Variants in CSMD1 observed in about 807,000 individuals in gnomAD.
The protein encoded by CSMD1 is CUB and sushi domain-containing protein 1.
Under a neutral mutation model 417.5 loss-of-function variants are expected in CSMD1, and 213 were observed. That is an observed-to-expected ratio of 0.51 (90% CI 0.46 to 0.57). CSMD1 has a LOEUF of 0.57. Among genes scored for constraint, CSMD1 ranks in the 20% least tolerant of loss-of-function variants. The pLI is 0.00. For missense variants in CSMD1, 6,923 were observed against 4,529.7 expected (o/e 1.53, Z -15.17); for synonymous variants, 2,862 against 1,736.8 (o/e 1.65, Z -16.11).
Position 3,202,244 on chromosome 8 carries a change from G to A in CSMD1, c.4985-519C>T, listed in dbSNP as rs377305539. 3.3e-4 allele frequency among the ~76,000 whole-genome samples: 51 copies of A among 152,276 alleles called. 1 individual carries two copies. The South Asian group carries it at 9.9e-3, about 30-fold the overall frequency. ...CAACACTTTATTCAATGAAAAATAA[G>A]CAAAGGATCAAACCCCATGATGATT... On this transcript the variant is annotated intron_variant, in intron 31 of 69. Transcript: ENST00000635120.
At chr8:3,277,596 G>C (rs1466758976) in intron 26 of CSMD1, among the ~76,000 whole-genome samples, 2 of 152,310 alleles carry the variant, frequency 1.3e-5, no homozygotes, top group East Asian at 1.9e-4. Context: ...GCAGGATGGA[G>C]TTGACTTTAC....
At chr8:3,437,751 T>G (rs902885338) in intron 12 of CSMD1, among the ~76,000 whole-genome samples, 2 of 61,290 alleles carry the variant, frequency 3.3e-5, no homozygotes, top group African/African-American at 1.8e-4. Flanking sequence ...ATTGATATCT[T>G]TTCTTTTTTT....
At chr8:3,018,898 A>G (rs1164667675) in intron 51 of CSMD1, among the ~76,000 whole-genome samples, 1 of 152,086 alleles carries the variant, frequency 6.6e-6, no homozygotes, top group African/African-American at 2.4e-5. Flanking sequence ...AACATTCTAG[A>G]TTCCTCCAAT....
chr8:4,659,820 A>T (rs1237139640), intron 1 of CSMD1, among the ~76,000 whole-genome samples: 2 of 152,180 alleles, frequency 1.3e-5, no homozygotes, highest in South Asian at 4.1e-4. Flanking sequence ...TTTTTAAATT[A>T]ATCTATGTAA....
At chr8:4,242,873 T>A (rs927133682) in intron 3 of CSMD1, among the ~76,000 whole-genome samples, 1 of 152,162 alleles carries the variant, frequency 6.6e-6, no homozygotes, top group African/African-American at 2.4e-5. Context: ...AGCATCAGGA[T>A]GAAATATTAA....
At chr8:4,868,959 C>G (rs1008559036) in intron 1 of CSMD1, among the ~76,000 whole-genome samples, 2 of 151,796 alleles carry the variant, frequency 1.3e-5, no homozygotes, top group Non-Finnish European at 2.9e-5. Context: ...TACCTATATA[C>G]ACACAGAGAC....
chr8:3,727,769 T>C (rs73658223), intron 6 of CSMD1, among the ~76,000 whole-genome samples: 7,163 of 152,064 alleles, frequency 0.047, 553 homozygotes, highest in African/African-American at 0.16. Flanking sequence ...ATATAATCGG[T>C]TATAATTTAG....
intron 5 of CSMD1, among the ~76,000 whole-genome samples, chr8:3,982,168 A>G (rs941709593): frequency 1.2e-4 from 15 of 127,796 alleles, no homozygotes; most frequent in African/African-American, 4.1e-4. Flanking sequence ...AAAAATAATA[A>G]TAATAATAAT....
At chr8:3,923,642 C>G (rs1809438020) in intron 5 of CSMD1, among the ~76,000 whole-genome samples, 1 of 152,146 alleles carries the variant, frequency 6.6e-6, no homozygotes, top group African/African-American at 2.4e-5. Flanking sequence ...ACTCTACTCT[C>G]TTAGAAATTT....
At chr8:3,539,400 C>G (rs1235371758) in intron 10 of CSMD1, among the ~76,000 whole-genome samples, 3 of 152,110 alleles carry the variant, frequency 2.0e-5, no homozygotes, top group African/African-American at 7.2e-5. Flanking sequence ...TATTTGTTTC[C>G]AGGCTAATGC....
chr8:3,722,307 CAAAT>C (rs1368771856), intron 6 of CSMD1, among the ~76,000 whole-genome samples: 1 of 151,968 alleles, frequency 6.6e-6, no homozygotes, highest in Non-Finnish European at 1.5e-5. Flanking sequence ...GACTCCATCT[CAAAT>C]AAATAAATAA....
chr8:4,574,995 G>A (rs779115996), intron 2 of CSMD1, among the ~76,000 whole-genome samples: 7 of 152,054 alleles, frequency 4.6e-5, no homozygotes, highest in Non-Finnish European at 8.8e-5. Context: ...TTTTAATATT[G>A]TGCTTCCTCA....
chr8:4,718,837 AT>A (rs1280198034), intron 1 of CSMD1, among the ~76,000 whole-genome samples: 1 of 152,090 alleles, frequency 6.6e-6, no homozygotes, highest in African/African-American at 2.4e-5. Context: ...ATTTTTAAAG[AT>A]ATAATACTCC....
chr8:3,715,644 G>C (rs377051081), intron 6 of CSMD1, among the ~76,000 whole-genome samples: 1 of 152,188 alleles, frequency 6.6e-6, no homozygotes. Flanking sequence ...CCGGGTTCAA[G>C]TGATTCTCCT....
intron 23 of CSMD1, among the ~76,000 whole-genome samples, chr8:3,314,105 C>T (rs1287555475): frequency 7.9e-5 from 12 of 151,142 alleles, no homozygotes; most frequent in Middle Eastern, 3.4e-3. Context: ...GAACATCACA[C>T]ACCGGAGCCT....
At chr8:4,481,662 C>A (rs1213119912) in intron 2 of CSMD1, among the ~76,000 whole-genome samples, 1 of 152,098 alleles carries the variant, frequency 6.6e-6, no homozygotes, top group Non-Finnish European at 1.5e-5. Flanking sequence ...ATACCTGAGT[C>A]CACAGACCTT....
intron 12 of CSMD1, among the ~76,000 whole-genome samples, chr8:3,450,507 T>A (rs535198113): frequency 6.7e-6 from 1 of 149,854 alleles, no homozygotes; most frequent in Non-Finnish European, 1.5e-5. Context: ...TTCCCCTTCC[T>A]GTGTCCATGT....
At chr8:4,298,117 G>A (rs2128871519) in intron 3 of CSMD1, among the ~76,000 whole-genome samples, 2 of 152,186 alleles carry the variant, frequency 1.3e-5, no homozygotes. Flanking sequence ...GAACATCCCA[G>A]GGCACTGGGG....
intron 1 of CSMD1, among the ~76,000 whole-genome samples, chr8:4,746,426 T>A (rs1454635309): frequency 6.6e-6 from 1 of 152,200 alleles, no homozygotes; most frequent in Non-Finnish European, 1.5e-5. Context: ...ATTTTCTTCT[T>A]GCGAATGGAA....
Sources: allele counts gnomAD v4.1 joint callset (sites outside exome capture counted in the v4.1 genomes callset), GRCh38; gene constraint gnomAD v4.1.1; transcripts MANE v1.5; gene names NCBI Gene and HGNC (gene_info 2026-07-23, HGNC 2026-07-21).